Variants in PALM2AKAP2 observed in about 807,000 individuals in gnomAD.
PALM2AKAP2 encodes the protein PALM2 and AKAP2 fusion.
In PALM2AKAP2, 37 loss-of-function variants were observed where a neutral mutation model predicts 71.5. The ratio of observed to expected loss-of-function variants is 0.52; its 90% CI spans 0.40 to 0.68. The LOEUF is 0.68. PALM2AKAP2 is among the 30% of genes least tolerant of loss of function. PALM2AKAP2 has a pLI of 0.00. For missense variants in PALM2AKAP2, 1,224 were observed against 1,191.8 expected (o/e 1.03, Z -0.40); for synonymous variants, 468 against 478.8 (o/e 0.98, Z 0.29).
At chr9:109,716,465 G>A (rs919074030) in intron 1 of PALM2AKAP2, among the ~76,000 whole-genome samples, 1 of 152,158 alleles carries the variant, frequency 6.6e-6, no homozygotes, top group African/African-American at 2.4e-5. Flanking sequence ...ATAAACAGCA[G>A]TATAAATGTC....
chr9:109,844,177 G>A (rs1473119264), intron 1 of PALM2AKAP2, among the ~76,000 whole-genome samples: 1 of 152,162 alleles, frequency 6.6e-6, no homozygotes, highest in Non-Finnish European at 1.5e-5. Flanking sequence ...AATTTTCACA[G>A]CAACCATGTA....
chr9:109,981,492 C>T (rs1473269296), intron 6 of PALM2AKAP2, among the ~76,000 whole-genome samples: 1 of 152,168 alleles, frequency 6.6e-6, no homozygotes, highest in Non-Finnish European at 1.5e-5. Context: ...ACCTGGTCCC[C>T]ATCGCCCACA....
upstream of PALM2AKAP2, among the ~76,000 whole-genome samples, chr9:110,047,292 T>C (rs1833619417): frequency 6.6e-6 from 1 of 152,226 alleles, no homozygotes; most frequent in Non-Finnish European, 1.5e-5. Context: ...TGTCCCATTG[T>C]AGACTTCATC....
At chr9:109,834,773 G>T (rs1828410130) in intron 1 of PALM2AKAP2, among the ~76,000 whole-genome samples, 1 of 152,138 alleles carries the variant, frequency 6.6e-6, no homozygotes, top group Non-Finnish European at 1.5e-5. Flanking sequence ...TTTTACAGCT[G>T]CAAAAACTGA....
intron 1 of PALM2AKAP2, among the ~76,000 whole-genome samples, chr9:110,105,189 C>G (rs1835087717): frequency 1.3e-5 from 2 of 152,316 alleles, no homozygotes; most frequent in South Asian, 4.1e-4. Flanking sequence ...ATCAGAAGCT[C>G]AAACGCATAT....
At chr9:109,792,775 T>G (rs555017616) in intron 1 of PALM2AKAP2, among the ~76,000 whole-genome samples, 1 of 152,298 alleles carries the variant, frequency 6.6e-6, no homozygotes, top group South Asian at 2.1e-4. Context: ...GCCTGGGTCG[T>G]CTTTTCACTA....
intron 2 of PALM2AKAP2, among the ~76,000 whole-genome samples, chr9:110,141,464 A>T (rs1460650862): frequency 2.6e-5 from 4 of 152,244 alleles, no homozygotes; most frequent in Non-Finnish European, 5.9e-5. Context: ...TTACAACATG[A>T]GTTGAAAGAA....
chr9:109,998,381 T>C (rs899504700), intron 6 of PALM2AKAP2, among the ~76,000 whole-genome samples: 1 of 152,020 alleles, frequency 6.6e-6, no homozygotes, highest in Non-Finnish European at 1.5e-5. Flanking sequence ...TCTATGACAG[T>C]GGGCTGATGA....
At chr9:109,913,387 G>A (rs1830615238) in intron 3 of PALM2AKAP2, among the ~76,000 whole-genome samples, 1 of 152,218 alleles carries the variant, frequency 6.6e-6, no homozygotes, top group African/African-American at 2.4e-5. Context: ...GCACCAAAGA[G>A]ATGCTAAGAC....
intron 1 of PALM2AKAP2, among the ~76,000 whole-genome samples, chr9:109,844,347 T>G (rs1290261297): frequency 6.6e-6 from 1 of 152,204 alleles, no homozygotes; most frequent in Non-Finnish European, 1.5e-5. Flanking sequence ...GATGTACCAT[T>G]GCAAATCGTC....
chr9:109,737,773 AGGCTT>A (rs1828658763), intron 1 of PALM2AKAP2, among the ~76,000 whole-genome samples: 1 of 152,246 alleles, frequency 6.6e-6, no homozygotes, highest in African/African-American at 2.4e-5. Flanking sequence ...TAGGGTTCCA[AGGCTT>A]GTGCTTTCAA....
rs1481609625 is a variant in PALM2AKAP2, at chr9:110,168,481, A to G, written c.2831A>G (p.Glu944Gly). The G allele has an allele frequency of 3.7e-6, 6 of 1,614,022 alleles. No homozygotes were observed. In the South Asian group the frequency reaches 6.6e-5, roughly 18 times the overall value. Residue 944 changes from glutamate to glycine, a missense_variant, in exon 4 of 4, where the codon GAA (glutamate) becomes GGA (glycine). Transcript: ENST00000374525. ...GCAGGGATCTATGCCAACCAGGAGG[A>G]AGAAGACAACGAATAAACTTCCTTC... is the stretch of plus-strand genomic sequence containing the variant.
At chr9:109,768,106 TAAG>T (rs1172378809) in intron 1 of PALM2AKAP2, among the ~76,000 whole-genome samples, 1 of 138,752 alleles carries the variant, frequency 7.2e-6, no homozygotes, top group East Asian at 2.1e-4. Context: ...GGAAGAAAGG[TAAG>T]AAGAAAGGAA....
intron 1 of PALM2AKAP2, among the ~76,000 whole-genome samples, chr9:109,696,205 G>T (rs979175061): frequency 1.3e-5 from 2 of 151,906 alleles, no homozygotes; most frequent in Admixed American, 6.5e-5. Flanking sequence ...ACAAAGAAAG[G>T]CTAACATCAT....
At chr9:109,972,004 C>T (rs1182664708) in intron 6 of PALM2AKAP2, among the ~76,000 whole-genome samples, 1 of 152,236 alleles carries the variant, frequency 6.6e-6, no homozygotes, top group Non-Finnish European at 1.5e-5. Flanking sequence ...CGTCTCTCAT[C>T]TGCACATCTA....
At chr9:109,859,569 C>T (rs529954186) in intron 1 of PALM2AKAP2, among the ~76,000 whole-genome samples, 3 of 152,088 alleles carry the variant, frequency 2.0e-5, no homozygotes, top group Non-Finnish European at 1.5e-5. Context: ...GTCAATAAAA[C>T]AATTAAAAGT....
chr9:109,941,424 C>G (rs891003257), intron 6 of PALM2AKAP2, among the ~76,000 whole-genome samples: 3 of 152,162 alleles, frequency 2.0e-5, no homozygotes, highest in African/African-American at 7.2e-5. Flanking sequence ...GATTTACTGT[C>G]AGTGAGTGTT....
intron 1 of PALM2AKAP2, among the ~76,000 whole-genome samples, chr9:110,073,966 T>C (rs1834265408): frequency 6.6e-6 from 1 of 152,184 alleles, no homozygotes; most frequent in Non-Finnish European, 1.5e-5. Context: ...AACTTGGCAG[T>C]AGAGAAACTT....
At chr9:109,810,468 G>A (rs1012670652) in intron 1 of PALM2AKAP2, among the ~76,000 whole-genome samples, 8 of 152,166 alleles carry the variant, frequency 5.3e-5, no homozygotes, top group East Asian at 1.9e-4. Context: ...GATATGCCAC[G>A]AAATCTGAGG....
Sources: allele counts gnomAD v4.1 joint callset (sites outside exome capture counted in the v4.1 genomes callset), GRCh38; gene constraint gnomAD v4.1.1; transcripts MANE v1.5; gene names NCBI Gene and HGNC (gene_info 2026-07-23, HGNC 2026-07-21).